The following WRAP53 variants were observed in gnomAD, a reference collection of about 807,000 sequenced individuals.
The protein encoded by WRAP53 is WD repeat containing antisense to TP53, also known as telomerase Cajal body protein 1.
WRAP53 carries 28 observed loss-of-function variants against 56.6 expected under a neutral mutation model. The ratio of observed to expected loss-of-function variants is 0.50; its 90% CI spans 0.37 to 0.68. WRAP53 has a LOEUF of 0.68. Among genes scored for constraint, WRAP53 ranks in the 30% least tolerant of loss-of-function variants. WRAP53 has a pLI of 0.00. For missense variants in WRAP53, 671 were observed against 715.5 expected, an observed-to-expected ratio of 0.94 and a Z score of 0.71; for synonymous variants, 283 against 283.4, an observed-to-expected ratio of 1.00 and a Z score of 0.01.
chr17:7,689,446 G>A lies in WRAP53; in HGVS notation c.530+124G>A, dbSNP rs951141640. On this transcript the variant is annotated intron_variant, in intron 3 of 10. Transcript: ENST00000396463. ...GCGGCACGTAGCCCTTTTAGACTGA[G>A]CTTACATTTTATCTAGCAGTTTGTG... The A allele has an allele frequency of 5.5e-6, 7 of 1,271,826 alleles. No homozygotes were observed. The African/African-American group carries it at 8.8e-5, about 16-fold the overall frequency. 78.8% of individuals were successfully genotyped at this position (1,271,826 alleles called of 1,614,324 possible).
rs2074239201 is a variant in WRAP53 at position 7,699,494 on chromosome 17, AT to A, written c.643-1246del. ...TATATATTTATATATATATATATAT[AT>A]ATATATTTATATATATATATATATA... On this transcript the variant is annotated intron_variant, in intron 4 of 10. Transcript: ENST00000396463. Among the ~76,000 whole-genome samples, 9 of 11,670 alleles carry A rather than the reference AT, an allele frequency of 7.7e-4. 1 individual carries two copies. Among genetic ancestry groups the A allele is most frequent in the African/African-American group, 2.9e-3 (7 of 2,380 alleles). 7.7% of individuals were successfully genotyped at this position (11,670 alleles called of 152,430 possible).
intron 10 of WRAP53, 44 bp downstream of exon 10, chr17:7,703,171 G>A (rs1315292408): frequency 6.2e-7 from 1 of 1,613,686 alleles, no homozygotes; most frequent in Non-Finnish European, 8.5e-7. Context: ...GGGTTGGGGA[G>A]GGAGGTGAAT....
Position 7,688,494 on chromosome 17 carries a change from T to A in WRAP53, c.-69T>A. 1 of 761,436 alleles carries A rather than the reference T, an allele frequency of 1.3e-6. No homozygotes were observed. The highest frequency in any genetic ancestry group is 2.1e-6 in the Non-Finnish European group (1 of 478,176). The allele number at this position is 761,436 out of a possible 1,614,324, so 47.2% of individuals were successfully genotyped here. On this transcript the variant is annotated 5_prime_UTR_variant, in exon 1 of 11. Coordinates refer to ENST00000396463, the MANE Select transcript of WRAP53 (RefSeq NM_001143992.2). Reference sequence around the variant, plus strand: ...AGGAACACAGTGCTTTCAAAAGAATTGGCGTCCGCTGTTCGCCTCTCCTCC... The same window carrying A: ...AGGAACACAGTGCTTTCAAAAGAATAGGCGTCCGCTGTTCGCCTCTCCTCC...
At position 7,699,275 on chromosome 17, in the gene WRAP53, G is replaced by A. The variant is rs187037237; in HGVS notation, c.643-1466G>A. 8.0e-5 allele frequency among the ~76,000 whole-genome samples: 12 copies of A among 149,950 alleles called. 1 individual carries two copies. In the East Asian group the frequency reaches 2.4e-3, roughly 29 times the overall value. ...TCTATACTAAAAATACAAAAAATTAGCTGAGCATGGAGGTGAACTCCTGCA... is the reference window on the plus strand; with the variant it reads ...TCTATACTAAAAATACAAAAAATTAACTGAGCATGGAGGTGAACTCCTGCA... On this transcript the variant is annotated intron_variant, in intron 4 of 10. Coordinates refer to ENST00000396463, the MANE Select transcript of WRAP53 (RefSeq NM_001143992.2).
At chr17:7,686,732 T>G (rs2073992089), upstream of WRAP53, 1 of 152,262 alleles carries the variant, frequency 6.6e-6, no homozygotes, top group Non-Finnish European at 1.5e-5. Flanking sequence ...CCTCTCAGAT[T>G]GCGACGGTCC....
At chr17:7,700,065 T>G (rs940161016) in intron 4 of WRAP53, among the ~76,000 whole-genome samples, 1 of 151,482 alleles carries the variant, frequency 6.6e-6, no homozygotes, top group African/African-American at 2.4e-5. Context: ...TCTTTTTTTT[T>G]TGGGGGGCAC....
chr17:7,700,079 C>T (rs1352126163), intron 4 of WRAP53, among the ~76,000 whole-genome samples: 1 of 150,184 alleles, frequency 6.7e-6, no homozygotes, highest in South Asian at 2.1e-4. Context: ...GGGGCACTGT[C>T]TCTCTGTCAC....
At position 7,701,643 on chromosome 17, in the gene WRAP53, T is replaced by C. The variant is rs1392669218; in HGVS notation, c.823-14T>C. 1 of 1,614,280 alleles carries C rather than the reference T, an allele frequency of 6.2e-7. No homozygotes were observed. Among genetic ancestry groups the C allele is most frequent in the Admixed American group, 1.7e-5 (1 of 60,036 alleles). On this transcript the variant is annotated splice_polypyrimidine_tract_variant and intron_variant, in intron 6 of 10. Coordinates refer to ENST00000396463, the MANE Select transcript of WRAP53 (RefSeq NM_001143992.2). This position sits in a 1 kb window ranked among gnomAD's most constrained non-coding sequence, Gnocchi z 4.2. ...GCTTTGCAAGACCTGTTTTCAGCCCTTTCCTTCCCCCAGGATGAGCTGACG... is the reference window on the plus strand; with the variant it reads ...GCTTTGCAAGACCTGTTTTCAGCCCCTTCCTTCCCCCAGGATGAGCTGACG...
At position 7,702,619 on chromosome 17, in the gene WRAP53, A is replaced by G. The variant is rs1265639052; in HGVS notation, c.1164+67A>G. 1 of 1,594,524 alleles carries G rather than the reference A, an allele frequency of 6.3e-7. No homozygotes were observed. ...GGGCAGGAGCAGGGATGTAGTCTGCAGTGTAGGGGAATGGGTGGGGATGGG... is the reference window on the plus strand; with the variant it reads ...GGGCAGGAGCAGGGATGTAGTCTGCGGTGTAGGGGAATGGGTGGGGATGGG... On this transcript the variant is annotated intron_variant, in intron 8 of 10. Coordinates refer to ENST00000396463, the MANE Select transcript of WRAP53 (RefSeq NM_001143992.2). The surrounding 1 kb of genome is among the most constrained non-coding windows in gnomAD (Gnocchi z 5.0).
chr17:7,696,218 A>G (rs1033520064), intron 4 of WRAP53, among the ~76,000 whole-genome samples: 24 of 151,906 alleles, frequency 1.6e-4, no homozygotes, highest in Admixed American at 1.1e-3. Flanking sequence ...GGACATGTGA[A>G]AGCCAGTGGG....
intron 4 of WRAP53, among the ~76,000 whole-genome samples, chr17:7,692,861 C>T (rs981081644): frequency 3.3e-4 from 49 of 149,172 alleles, no homozygotes; most frequent in Non-Finnish European, 6.8e-4. Context: ...ACGCCATTCT[C>T]CTGCCTCAGC....
chr17:7,702,515 A>C lies in WRAP53; in HGVS notation c.1127A>C (p.His376Pro), dbSNP rs375249946. The C allele has an allele frequency of 3.1e-6, 5 of 1,612,678 alleles. No homozygotes were observed. In the African/African-American group the frequency reaches 6.7e-5, roughly 22 times the overall value. The change falls in exon 8 of 11, where the codon CAT becomes CCT. Residue 376 changes from histidine to proline, a missense_variant. By Grantham distance (77) the His-to-Pro change is moderately conservative. Coordinates refer to ENST00000396463, the MANE Select transcript of WRAP53 (RefSeq NM_001143992.2). The surrounding 1 kb of genome is among the most constrained non-coding windows in gnomAD (Gnocchi z 5.0). ...HQGGITHLCF[H>P]PDGNRFFSGA... ...GGGGGCATCACCCACCTCTGCTTTC[A>C]TCCCGATGGCAACCGCTTCTTCTCA...
At chr17:7,696,290 ATTTT>A (rs35901058) in intron 4 of WRAP53, among the ~76,000 whole-genome samples, 4 of 79,904 alleles carry the variant, frequency 5.0e-5, no homozygotes, top group East Asian at 4.3e-4. Context: ...GGACTCAGAG[ATTTT>A]TTTTTTTTTT....
upstream of WRAP53, chr17:7,687,125 CT>C (rs1407686328): frequency 2.5e-6 from 1 of 395,044 alleles, no homozygotes. Flanking sequence ...TTCCCCAAAG[CT>C]CCACTCCTCT....
chr17:7,698,311 AG>A (rs1422063868), intron 4 of WRAP53, among the ~76,000 whole-genome samples: 1 of 152,240 alleles, frequency 6.6e-6, no homozygotes, highest in Non-Finnish European at 1.5e-5. Flanking sequence ...GAAGAAGGGT[AG>A]ATCAGTTTGA....
Position 7,688,539 on chromosome 17 carries a change from C to A in WRAP53, c.-24C>A. On this transcript the variant is annotated 5_prime_UTR_variant, in exon 1 of 11. Coordinates refer to ENST00000396463, the MANE Select transcript of WRAP53 (RefSeq NM_001143992.2). ...TCCTCCCGGGAGTCTTCTGCCTACT[C>A]CCAGAAGAGGAGGGAAGCACAGGTG... 8.1e-7 allele frequency: 1 copy of A among 1,230,602 alleles called. No individual in the cohort carries two copies. The highest frequency in any genetic ancestry group is 1.1e-6 in the Non-Finnish European group (1 of 876,326). 76.2% of individuals were successfully genotyped at this position (1,230,602 alleles called of 1,614,324 possible). A position where few individuals can be genotyped will look rare whatever the true frequency, so the allele number is the denominator to read the frequency against.
At position 7,688,547 on chromosome 17, in the gene WRAP53, A is replaced by C; in HGVS notation, c.-16A>C. ...GGAGTCTTCTGCCTACTCCCAGAAG[A>C]GGAGGGAAGCACAGGTGGGTTTCTT... On this transcript the variant is annotated 5_prime_UTR_variant, in exon 1 of 11. Transcript: ENST00000396463. The C allele has an allele frequency of 7.8e-7, 1 of 1,289,450 alleles. No homozygotes were observed. The highest frequency in any genetic ancestry group is 1.1e-6 in the Non-Finnish European group (1 of 924,632). 79.9% of individuals were successfully genotyped at this position (1,289,450 alleles called of 1,614,324 possible). A position where few individuals can be genotyped will look rare whatever the true frequency, so the allele number is the denominator to read the frequency against.
At chr17:7,686,928 A>G (rs1201131259), upstream of WRAP53, 3 of 162,084 alleles carry the variant, frequency 1.9e-5, no homozygotes, top group Non-Finnish European at 2.7e-5. Flanking sequence ...CCAAATGATC[A>G]TTTCGGAATG....
chr17:7,687,655 G>A (rs2074032046), upstream of WRAP53: 1 of 398,528 alleles, frequency 2.5e-6, no homozygotes, highest in African/African-American at 2.1e-5. Flanking sequence ...TGGGGAGGAG[G>A]GTGCAGAGTC....
Sources: allele counts gnomAD v4.1 joint callset (sites outside exome capture counted in the v4.1 genomes callset), GRCh38; gene constraint gnomAD v4.1.1; non-coding constraint Gnocchi (gnomAD v3.1); transcripts MANE v1.5; gene names NCBI Gene and HGNC (gene_info 2026-07-23, HGNC 2026-07-21).